The following FHIP1A variants were observed in gnomAD, a reference collection of about 807,000 sequenced individuals.
FHIP1A encodes FHF complex subunit HOOK-interacting protein 1A.
Under a neutral mutation model 88.6 loss-of-function variants are expected in FHIP1A, and 61 were observed. The ratio of observed to expected loss-of-function variants is 0.69; its 90% CI spans 0.56 to 0.85. The LOEUF (loss-of-function observed/expected upper bound fraction) is 0.85, where lower values mean the gene tolerates loss of function less well. Among genes scored for constraint, FHIP1A ranks in the 40% least tolerant of loss-of-function variants. The pLI is 0.00. For synonymous variants in FHIP1A, 478 were observed against 496.0 expected, an observed-to-expected ratio of 0.96 and a Z score of 0.48; for missense variants, 1,154 against 1,273.5, an observed-to-expected ratio of 0.91 and a Z score of 1.43.
At chr4:151,651,917 ATAAGT>A (rs1348830717) in intron 11 of FHIP1A, among the ~76,000 whole-genome samples, 1 of 152,260 alleles carries the variant, frequency 6.6e-6, no homozygotes, top group Non-Finnish European at 1.5e-5. Context: ...TCAGTCAATC[ATAAGT>A]AAAATGGATT....
At chr4:151,486,249 C>T (rs543865104) in intron 3 of FHIP1A, among the ~76,000 whole-genome samples, 1 of 152,046 alleles carries the variant, frequency 6.6e-6, no homozygotes, top group Non-Finnish European at 1.5e-5. Flanking sequence ...GGTTGGGGAC[C>T]CCCTGCTCTA....
intron 3 of FHIP1A, among the ~76,000 whole-genome samples, chr4:151,492,138 C>T (rs578184922): frequency 8.6e-5 from 10 of 116,796 alleles, no homozygotes; most frequent in African/African-American, 3.5e-4. Context: ...TAAACTATAC[C>T]GTAGAACAAA....
intron 7 of FHIP1A, among the ~76,000 whole-genome samples, chr4:151,606,040 T>C (rs903408235): frequency 2.6e-5 from 4 of 152,208 alleles, no homozygotes; most frequent in Admixed American, 6.5e-5. Flanking sequence ...CGGGCTATAA[T>C]TGGGTGCTGA....
chr4:151,637,783 A>G (rs557011895), intron 8 of FHIP1A, among the ~76,000 whole-genome samples: 1 of 152,296 alleles, frequency 6.6e-6, no homozygotes, highest in Non-Finnish European at 1.5e-5. Flanking sequence ...GCTTCTAGCT[A>G]ACGACAAGTA....
chr4:151,560,714 C>T (rs1321236997), intron 3 of FHIP1A, among the ~76,000 whole-genome samples: 1 of 152,042 alleles, frequency 6.6e-6, no homozygotes, highest in Non-Finnish European at 1.5e-5. Flanking sequence ...CAAGAATGGT[C>T]CAATTTTTAG....
chr4:151,515,844 G>T (rs1731214628), intron 3 of FHIP1A, among the ~76,000 whole-genome samples: 1 of 152,288 alleles, frequency 6.6e-6, no homozygotes, highest in African/African-American at 2.4e-5. Context: ...TGGGTAGGAA[G>T]AATCAATATC....
intron 1 of FHIP1A, among the ~76,000 whole-genome samples, chr4:151,449,407 CATT>C (rs1036536487): frequency 7.9e-5 from 12 of 151,922 alleles, no homozygotes; most frequent in Non-Finnish European, 1.5e-4. Context: ...TTAATTGACA[CATT>C]ATAATTATAC....
At chr4:151,488,316 T>TC (rs1741543884) in intron 3 of FHIP1A, among the ~76,000 whole-genome samples, 1 of 152,098 alleles carries the variant, frequency 6.6e-6, no homozygotes, top group Admixed American at 6.5e-5. Context: ...TTCAGCTCTT[T>TC]CCCCCCTCAC....
intron 3 of FHIP1A, among the ~76,000 whole-genome samples, chr4:151,487,446 C>T (rs1051629579): frequency 6.6e-6 from 1 of 152,158 alleles, no homozygotes; most frequent in Admixed American, 6.5e-5. Context: ...CTTGCTCAGA[C>T]ATCACCTTAG....
intron 1 of FHIP1A, among the ~76,000 whole-genome samples, chr4:151,438,442 C>A (rs1273218082): frequency 6.6e-6 from 1 of 151,948 alleles, no homozygotes; most frequent in Non-Finnish European, 1.5e-5. Context: ...GGATTTAATT[C>A]TTTTCATTGT....
Position 151,518,661 on chromosome 4 carries a change from CCCTT to C in FHIP1A, c.-123+36019_-123+36022del, listed in dbSNP as rs1553948968. ...TCCCTCCCTCCCTCCCTCCCTCCCT[CCCTT>C]CCTTCTTTCCCTTTCCTCCCCTCCC... is the stretch of plus-strand genomic sequence containing the variant. On this transcript the variant is annotated intron_variant, in intron 3 of 13. Coordinates refer to ENST00000435205, the MANE Select transcript of FHIP1A (RefSeq NM_001109977.3). 1.4e-4 allele frequency among the ~76,000 whole-genome samples: 11 copies of C among 79,740 alleles called. No individual in the cohort carries two copies. In the East Asian group the frequency reaches 2.9e-3, roughly 21 times the overall value. 52.3% of individuals were successfully genotyped at this position (79,740 alleles called of 152,430 possible).
intron 2 of FHIP1A, among the ~76,000 whole-genome samples, chr4:151,473,440 T>G (rs116571315): frequency 0.01 from 1,552 of 152,278 alleles, 19 homozygotes; most frequent in Non-Finnish European, 0.017. Flanking sequence ...TAAAGTATAG[T>G]ATCTTTAAAA....
chr4:151,509,222 G>A (rs931913020), intron 3 of FHIP1A, among the ~76,000 whole-genome samples: 1 of 152,094 alleles, frequency 6.6e-6, no homozygotes, highest in Non-Finnish European at 1.5e-5. Flanking sequence ...GAGTGCAGTG[G>A]CGTGATCTCG....
At chr4:151,619,733 GTTTGC>G (rs1296189289) in intron 7 of FHIP1A, among the ~76,000 whole-genome samples, 1 of 152,212 alleles carries the variant, frequency 6.6e-6, no homozygotes, top group Admixed American at 6.5e-5. Flanking sequence ...TGTTCTAAGT[GTTTGC>G]TGGGGTTGAG....
intron 1 of FHIP1A, among the ~76,000 whole-genome samples, chr4:151,453,277 A>G (rs1728859656): frequency 6.6e-6 from 1 of 152,232 alleles, no homozygotes; most frequent in South Asian, 2.1e-4. Context: ...TGGCCTCCCA[A>G]AATGCTGGGA....
rs1304237083 is a variant in FHIP1A, at chr4:151,649,314, A to T, written c.1418-145A>T. ...TCTTTCCTTCTTACAATCTAACCAT[A>T]TTATTCAGAGGTCATTTTAATCAGA... On this transcript the variant is annotated intron_variant, in intron 10 of 13. Coordinates refer to ENST00000435205, the MANE Select transcript of FHIP1A (RefSeq NM_001109977.3). 7.0e-6 allele frequency: 4 copies of T among 570,588 alleles called. No homozygotes were observed. The African/African-American group carries it at 7.5e-5, about 11-fold the overall frequency. 35.3% of individuals were successfully genotyped at this position (570,588 alleles called of 1,614,324 possible).
At position 151,432,275 on chromosome 4, in the gene FHIP1A, T is replaced by G. The variant is rs148444745; in HGVS notation, c.-355-22426T>G. On this transcript the variant is annotated intron_variant, in intron 1 of 13. Coordinates refer to ENST00000435205, the MANE Select transcript of FHIP1A (RefSeq NM_001109977.3). Reference sequence around the variant, plus strand: ...AAAATAACTTTCGTATAAGACAAGATTCATTCATTGAGCAAATATTTACTT... The same window carrying G: ...AAAATAACTTTCGTATAAGACAAGAGTCATTCATTGAGCAAATATTTACTT... 3.1e-3 allele frequency among the ~76,000 whole-genome samples: 477 copies of G among 152,304 alleles called. 3 individuals carry two copies. Among genetic ancestry groups the G allele is most frequent in the African/African-American group, 0.011 (463 of 41,574 alleles).
chr4:151,457,324 C>T (rs1204847226), intron 2 of FHIP1A, among the ~76,000 whole-genome samples: 5 of 152,128 alleles, frequency 3.3e-5, no homozygotes, highest in Admixed American at 6.5e-5. Context: ...GAATTTAAGC[C>T]CTTGACCACT....
chr4:151,426,359 T>C (rs759332412), intron 1 of FHIP1A, among the ~76,000 whole-genome samples: 1 of 152,198 alleles, frequency 6.6e-6, no homozygotes, highest in Non-Finnish European at 1.5e-5. Flanking sequence ...TTTTTTTTTC[T>C]GTTCATAAAA....
Sources: gnomAD v4.1 joint callset for allele counts (sites outside exome capture counted in the v4.1 genomes callset) on GRCh38, gnomAD v4.1.1 for gene constraint, MANE v1.5 for transcripts, NCBI Gene and HGNC (gene_info 2026-07-23, HGNC 2026-07-21) for gene names.